The following CALCR variants were observed in gnomAD, a reference collection of about 807,000 sequenced individuals.
CALCR encodes calcitonin receptor.
CALCR carries 47 observed loss-of-function variants against 59.5 expected under a neutral mutation model. That is an observed-to-expected ratio of 0.79 (90% CI 0.63 to 1.01). CALCR has a LOEUF of 1.01. Among genes scored for constraint, CALCR ranks in the 50% least tolerant of loss-of-function variants. The pLI is 0.00. For synonymous variants in CALCR, 213 were observed against 211.3 expected, an observed-to-expected ratio of 1.01 and a Z score of -0.07; for missense variants, 566 against 597.1, an observed-to-expected ratio of 0.95 and a Z score of 0.54.
At chr7:93,506,636 G>A (rs1297376366) in intron 2 of CALCR, among the ~76,000 whole-genome samples, 6 of 150,666 alleles carry the variant, frequency 4.0e-5, no homozygotes, top group Non-Finnish European at 8.8e-5. Context: ...TCAAACAGTT[G>A]TTGATTGTGA....
Position 93,480,620 on chromosome 7 carries a change from T to C in CALCR, c.52-1113A>G, listed in dbSNP as rs553734812. Among the ~76,000 whole-genome samples the C allele has an allele frequency of 2.5e-4, 38 of 151,734 alleles. 1 individual carries two copies. The South Asian group carries it at 7.9e-3, about 32-fold the overall frequency. ...TATATTCCTGGCTCTTCATGGTGAA[T>C]CCTCACTGTTTTCCATGTGTGTCAT... On this transcript the variant is annotated intron_variant, in intron 3 of 13. Transcript: ENST00000426151.
At chr7:93,481,311 A>C (rs1242352021) in intron 3 of CALCR, among the ~76,000 whole-genome samples, 1 of 151,840 alleles carries the variant, frequency 6.6e-6, no homozygotes, top group East Asian at 2.0e-4. Flanking sequence ...TCAGATGTCC[A>C]CAGGTTAAAG....
At chr7:93,455,146 A>G (rs564270370) in intron 8 of CALCR, among the ~76,000 whole-genome samples, 1 of 152,128 alleles carries the variant, frequency 6.6e-6, no homozygotes, top group East Asian at 1.9e-4. Flanking sequence ...ACAAACAACA[A>G]CAACAAACAC....
intron 2 of CALCR, among the ~76,000 whole-genome samples, chr7:93,527,928 T>C (rs1204632745): frequency 1.3e-5 from 2 of 152,172 alleles, no homozygotes; most frequent in South Asian, 2.1e-4. Flanking sequence ...AAGAACACTT[T>C]TGTTATTTTT....
chr7:93,521,259 A>G (rs1202377849), intron 2 of CALCR, among the ~76,000 whole-genome samples: 1 of 152,118 alleles, frequency 6.6e-6, no homozygotes, highest in African/African-American at 2.4e-5. Context: ...ACCTCTGTTC[A>G]GTGGCCCAGA....
At chr7:93,499,941 C>T (rs1801287379) in intron 2 of CALCR, among the ~76,000 whole-genome samples, 1 of 151,834 alleles carries the variant, frequency 6.6e-6, no homozygotes, top group African/African-American at 2.4e-5. Flanking sequence ...AAAATATCAT[C>T]TTGTCCTTAT....
Position 93,453,341 on chromosome 7 carries a change from C to T in CALCR, c.648+7480G>A, listed in dbSNP as rs76936634. Among the ~76,000 whole-genome samples, 1,071 of 152,122 alleles carry T rather than the reference C, an allele frequency of 7.0e-3. 7 individuals are homozygous for T. Among genetic ancestry groups the T allele is most frequent in the African/African-American group, 0.024 (1,004 of 41,524 alleles). On this transcript the variant is annotated intron_variant, in intron 8 of 13. Coordinates refer to ENST00000426151, the MANE Select transcript of CALCR (RefSeq NM_001742.4). ...TTTTATACATTAGGAAAGCAAGGCACAGTTAGGTTAAGTAACTTACTCAAT... is the reference window on the plus strand; with the variant it reads ...TTTTATACATTAGGAAAGCAAGGCATAGTTAGGTTAAGTAACTTACTCAAT...
Position 93,472,499 on chromosome 7 carries a change from A to C in CALCR, c.317-12T>G. 2.8e-6 allele frequency: 4 copies of C among 1,415,246 alleles called. No individual in the cohort carries two copies. The highest frequency in any genetic ancestry group is 4.0e-6 in the Non-Finnish European group (4 of 1,003,258). The allele number at this position is 1,415,246 out of a possible 1,614,324, so 87.7% of individuals were successfully genotyped here. On this transcript the variant is annotated splice_polypyrimidine_tract_variant and intron_variant, in intron 5 of 13. Coordinates refer to ENST00000426151, the MANE Select transcript of CALCR (RefSeq NM_001742.4). Reference sequence around the variant, plus strand: ...TTTTGTAACCTTTTCTGTTAATGAAACATAACAGTTATTGCATTAATATCT... The same window carrying C: ...TTTTGTAACCTTTTCTGTTAATGAACCATAACAGTTATTGCATTAATATCT...
At chr7:93,558,967 CAATTGCTGATTA>C (rs1397456811) in intron 2 of CALCR, among the ~76,000 whole-genome samples, 1 of 151,996 alleles carries the variant, frequency 6.6e-6, no homozygotes, top group Non-Finnish European at 1.5e-5. Context: ...TTGGGTGATT[CAATTGCTGATTA>C]AAGTGAGAAA....
At chr7:93,441,647 A>T in intron 9 of CALCR, 2 of 419,182 alleles carry the variant, frequency 4.8e-6, no homozygotes, top group Non-Finnish European at 9.4e-6. Context: ...CCTGATGTGG[A>T]ACCAGCAGGA....
intron 2 of CALCR, among the ~76,000 whole-genome samples, chr7:93,498,431 T>C (rs1801255828): frequency 6.6e-6 from 1 of 151,696 alleles, no homozygotes; most frequent in Middle Eastern, 3.2e-3. Flanking sequence ...TAATTGGTTA[T>C]GATCTGTCTA....
chr7:93,476,111 A>C (rs762983127), intron 5 of CALCR, among the ~76,000 whole-genome samples: 1 of 151,678 alleles, frequency 6.6e-6, no homozygotes, highest in African/African-American at 2.4e-5. Flanking sequence ...GTGAAAGGGC[A>C]TCTGGGTTGA....
chr7:93,464,160 T>C (rs1800395279), intron 7 of CALCR, among the ~76,000 whole-genome samples: 1 of 151,964 alleles, frequency 6.6e-6, no homozygotes, highest in African/African-American at 2.4e-5. Flanking sequence ...TGTGTGTGAG[T>C]GTGTACTTTT....
At chr7:93,491,231 C>A (rs1801068664) in intron 2 of CALCR, among the ~76,000 whole-genome samples, 1 of 151,994 alleles carries the variant, frequency 6.6e-6, no homozygotes, top group Non-Finnish European at 1.5e-5. Context: ...TGGACCTCTT[C>A]CTTACACCTT....
At chr7:93,516,608 C>G (rs1041400389) in intron 2 of CALCR, among the ~76,000 whole-genome samples, 1 of 151,794 alleles carries the variant, frequency 6.6e-6, no homozygotes, top group African/African-American at 2.4e-5. Flanking sequence ...GGCTAGGAAC[C>G]ATTATGGCCA....
At chr7:93,459,127 T>G (rs1400374225) in intron 8 of CALCR, among the ~76,000 whole-genome samples, 1 of 152,134 alleles carries the variant, frequency 6.6e-6, no homozygotes, top group African/African-American at 2.4e-5. Context: ...GATTGATAAA[T>G]AAAAATTTCT....
At chr7:93,489,886 G>A (rs1801035601) in intron 2 of CALCR, among the ~76,000 whole-genome samples, 2 of 151,752 alleles carry the variant, frequency 1.3e-5, no homozygotes, top group African/African-American at 2.4e-5. Flanking sequence ...TGAAAAGGAG[G>A]GACTCCTCCC....
At chr7:93,534,298 G>A (rs192303572) in intron 2 of CALCR, among the ~76,000 whole-genome samples, 3 of 151,928 alleles carry the variant, frequency 2.0e-5, no homozygotes, top group East Asian at 1.9e-4. Flanking sequence ...GTAAAGCTGA[G>A]TATGATTAAG....
At chr7:93,519,621 TTC>T (rs761111912) in intron 2 of CALCR, among the ~76,000 whole-genome samples, 6 of 152,088 alleles carry the variant, frequency 3.9e-5, no homozygotes, top group Non-Finnish European at 8.8e-5. Context: ...CCAAATTCAA[TTC>T]TGTTATAATA....
Sources: gnomAD v4.1 joint callset for allele counts (sites outside exome capture counted in the v4.1 genomes callset) on GRCh38, gnomAD v4.1.1 for gene constraint, MANE v1.5 for transcripts, NCBI Gene and HGNC (gene_info 2026-07-23, HGNC 2026-07-21) for gene names.